Variants in ARPC5L observed in about 807,000 individuals in gnomAD.
ARPC5L encodes the protein actin-related protein 2/3 complex subunit 5-like protein.
A neutral mutation model predicts 16.9 loss-of-function variants in ARPC5L; 4 were observed. The ratio of observed to expected loss-of-function variants is 0.24; its 90% CI spans 0.12 to 0.54. The LOEUF is 0.54. Ranked by LOEUF, ARPC5L falls within the 20% of genes least tolerant of loss-of-function variation. The probability of loss-of-function intolerance (pLI) is 0.95; values close to 1 mark genes in which losing one functional copy is unlikely to be tolerated. For missense variants in ARPC5L, 151 were observed against 201.9 expected (o/e 0.75, Z 1.53); for synonymous variants, 78 against 82.6 (o/e 0.94, Z 0.30).
At position 124,869,373 on chromosome 9, in the gene ARPC5L, A is replaced by AGGAGGC. The variant is rs1204916079; in HGVS notation, c.86_91dup (p.Glu29_Ala30dup). 6.6e-7 allele frequency: 1 copy of AGGAGGC among 1,521,446 alleles called. No individual in the cohort carries two copies. The highest frequency in any genetic ancestry group is 8.8e-7 in the Non-Finnish European group (1 of 1,134,406). The allele number at this position is 1,521,446 out of a possible 1,614,324, so 94.2% of individuals were successfully genotyped here. A position where few individuals can be genotyped will look rare whatever the true frequency, so the allele number is the denominator to read the frequency against. ...GAGAACAAATTTGTGGACGAGCAGG[A>AGGAGGC]GGAGGCGGCGGCGGCGGCGGCGGAG... On this transcript the variant is annotated inframe_insertion, in exon 3 of 6. Coordinates refer to ENST00000353214, the MANE Select transcript of ARPC5L (RefSeq NM_030978.3).
At position 124,869,151 on chromosome 9, in the gene ARPC5L, C is replaced by T. The variant is rs367629054; in HGVS notation, c.-140C>T. ...GCCGGAAGTGGGCGGGCGGCGGCGGCTGCGCGCGGAGGCGGTGGAGGAGGT... is the reference window on the plus strand; with the variant it reads ...GCCGGAAGTGGGCGGGCGGCGGCGGTTGCGCGCGGAGGCGGTGGAGGAGGT... On this transcript the variant is annotated 5_prime_UTR_variant, in exon 3 of 6. Transcript: ENST00000353214. 80 of 1,022,078 alleles carry T rather than the reference C, an allele frequency of 7.8e-5. No individual in the cohort carries two copies. In the East Asian group the frequency reaches 1.0e-3, roughly 13 times the overall value. 63.3% of individuals were successfully genotyped at this position (1,022,078 alleles called of 1,614,324 possible). A position where few individuals can be genotyped will look rare whatever the true frequency, so the allele number is the denominator to read the frequency against.
intron 5 of ARPC5L, 145 bp from the exon 6 acceptor site, chr9:124,876,733 T>C: frequency 1.5e-6 from 1 of 669,660 alleles, no homozygotes. Flanking sequence ...GCTCCTTCCC[T>C]AGAATGTGCT....
At chr9:124,870,227 C>G (rs1183052224) in intron 3 of ARPC5L, among the ~76,000 whole-genome samples, 1 of 152,128 alleles carries the variant, frequency 6.6e-6, no homozygotes, top group Non-Finnish European at 1.5e-5. Context: ...AAGTGGAGCC[C>G]CACGCCTGGA....
intron 3 of ARPC5L, among the ~76,000 whole-genome samples, chr9:124,869,823 G>C (rs1399139321): frequency 6.6e-6 from 1 of 152,192 alleles, no homozygotes; most frequent in Non-Finnish European, 1.5e-5. Flanking sequence ...CTATGGCGGG[G>C]CTGGGTCGGC....
intron 3 of ARPC5L, chr9:124,873,335 C>T: frequency 4.2e-6 from 1 of 239,156 alleles, no homozygotes. Flanking sequence ...ATGAGAACGA[C>T]CTCCAGTTCA....
At chr9:124,876,412 G>A (rs1317885826) in intron 5 of ARPC5L, among the ~76,000 whole-genome samples, 1 of 151,900 alleles carries the variant, frequency 6.6e-6, no homozygotes, top group African/African-American at 2.4e-5. Flanking sequence ...GCTTGAACTG[G>A]GGAGGCAGGG....
rs558713481 is a variant in ARPC5L, at chr9:124,876,804, CT to C, written c.400-73del. On this transcript the variant is annotated intron_variant, in intron 5 of 5. Transcript: ENST00000353214. Reference sequence around the variant, plus strand: ...GGATCTAGGTCAGGGAATGTCCCCCCTGTCTCTGGCAAGCCAGGCTCCCCTT... The same window carrying C: ...GGATCTAGGTCAGGGAATGTCCCCCCGTCTCTGGCAAGCCAGGCTCCCCTT... The C allele has an allele frequency of 2.3e-3, 2,802 of 1,223,152 alleles. 4 individuals carry two copies. The highest frequency in any genetic ancestry group is 3.0e-3 in the Admixed American group (143 of 48,112). The allele number at this position is 1,223,152 out of a possible 1,614,324, so 75.8% of individuals were successfully genotyped here.
intron 1 of ARPC5L, among the ~76,000 whole-genome samples, chr9:124,862,843 T>A (rs907183285): frequency 1.3e-5 from 2 of 151,722 alleles, no homozygotes; most frequent in African/African-American, 2.4e-5. Flanking sequence ...TTATTTATTT[T>A]TTTTATTTTT....
chr9:124,862,737 G>C (rs1256767293), intron 1 of ARPC5L, among the ~76,000 whole-genome samples: 7 of 152,022 alleles, frequency 4.6e-5, no homozygotes, highest in African/African-American at 1.7e-4. Flanking sequence ...TGTTGCCCAG[G>C]CTGATCTTGA....
At chr9:124,872,571 T>G (rs559733008) in intron 3 of ARPC5L, 1 of 151,620 alleles carries the variant, frequency 6.6e-6, no homozygotes, top group South Asian at 2.1e-4. Flanking sequence ...CACTCCAGCC[T>G]GGGCGACAGA....
In ARPC5L at chr9:124,877,025, C is replaced by A; in HGVS notation, c.*85C>A. 1 of 1,030,712 alleles carries A rather than the reference C, an allele frequency of 9.7e-7. No individual in the cohort carries two copies. Among genetic ancestry groups the A allele is most frequent in the East Asian group, 2.5e-5 (1 of 40,008 alleles). 63.8% of individuals were successfully genotyped at this position (1,030,712 alleles called of 1,614,324 possible). On this transcript the variant is annotated 3_prime_UTR_variant, in exon 6 of 6. Transcript: ENST00000353214. ...AAGGGATTGACAATGGACCATCTTC[C>A]TAGGAACTCCCAAGTAAACTATTTC...
In ARPC5L at chr9:124,877,308, A is replaced by C. The variant is rs527448400; in HGVS notation, c.*368A>C. On this transcript the variant is annotated 3_prime_UTR_variant, in exon 6 of 6. Coordinates refer to ENST00000353214, the MANE Select transcript of ARPC5L (RefSeq NM_030978.3). ...GCTTGTGTTTTTGAAGTGGAAAAAA[A>C]CCCAAGAGTTTGTACAGACATCCTG... The C allele has an allele frequency of 3.6e-5, 8 of 222,366 alleles. No homozygotes were observed. Among genetic ancestry groups the C allele is most frequent in the Non-Finnish European group, 5.3e-5 (6 of 113,320 alleles). The allele number at this position is 222,366 out of a possible 1,614,324, so 13.8% of individuals were successfully genotyped here. A position where few individuals can be genotyped will look rare whatever the true frequency, so the allele number is the denominator to read the frequency against.
At position 124,869,401 on chromosome 9, in the gene ARPC5L, A is replaced by G. The variant is rs1829322145; in HGVS notation, c.111A>G (p.Pro37=). 6.6e-7 allele frequency: 1 copy of G among 1,508,778 alleles called. No individual in the cohort carries two copies. Among genetic ancestry groups the G allele is most frequent in the Non-Finnish European group, 8.9e-7 (1 of 1,128,318 alleles). 93.5% of individuals were successfully genotyped at this position (1,508,778 alleles called of 1,614,324 possible). Residue 37 remains proline, a synonymous_variant, in exon 3 of 6, where the codon CCA becomes CCG. Coordinates refer to ENST00000353214, the MANE Select transcript of ARPC5L (RefSeq NM_030978.3). ...QEEAAAAAAE[P]GPDPSEVDGL... Reference sequence around the variant, plus strand: ...AGGCGGCGGCGGCGGCGGCGGAGCCAGGCCCGGACCCGAGCGAGGTGGACG... The same window carrying G: ...AGGCGGCGGCGGCGGCGGCGGAGCCGGGCCCGGACCCGAGCGAGGTGGACG...
chr9:124,877,371 A>T lies in ARPC5L; in HGVS notation c.*431A>T, dbSNP rs961866868. On this transcript the variant is annotated 3_prime_UTR_variant, in exon 6 of 6. Transcript: ENST00000353214. Reference sequence around the variant, plus strand: ...AGGTGGACACTCTTGGGCTCATTGTAAAGTGCCTGCTGCATCAATAAAGCT... The same window carrying T: ...AGGTGGACACTCTTGGGCTCATTGTTAAGTGCCTGCTGCATCAATAAAGCT... 1 of 168,036 alleles carries T rather than the reference A, an allele frequency of 6.0e-6. No individual in the cohort carries two copies. Among genetic ancestry groups the T allele is most frequent in the Admixed American group, 6.2e-5 (1 of 16,054 alleles). 10.4% of individuals were successfully genotyped at this position (168,036 alleles called of 1,614,324 possible). A position where few individuals can be genotyped will look rare whatever the true frequency, so the allele number is the denominator to read the frequency against.
chr9:124,869,479 C>T (rs1349138531), intron 3 of ARPC5L, 40 bp downstream of exon 3: 2 of 1,416,460 alleles, frequency 1.4e-6, no homozygotes, highest in Non-Finnish European at 1.8e-6. Context: ...TGCGCGCGGC[C>T]TTCTCACCTT....
intron 3 of ARPC5L, among the ~76,000 whole-genome samples, chr9:124,872,171 C>T (rs766449387): frequency 6.6e-6 from 1 of 152,182 alleles, no homozygotes; most frequent in Non-Finnish European, 1.5e-5. Context: ...TTATACCTGC[C>T]CTTCCCCATC....
intron 2 of ARPC5L, among the ~76,000 whole-genome samples, chr9:124,865,792 C>CA (rs529611407): frequency 3.1e-4 from 47 of 149,838 alleles, no homozygotes; most frequent in Non-Finnish European, 5.8e-4. Flanking sequence ...AACTCCATCT[C>CA]AAAAAAACAA....
intron 5 of ARPC5L, among the ~76,000 whole-genome samples, chr9:124,876,353 G>A (rs1031111801): frequency 2.0e-5 from 3 of 151,866 alleles, no homozygotes; most frequent in Non-Finnish European, 4.4e-5. Flanking sequence ...CGGGGGTGGT[G>A]GCGGGCGCCT....
chr9:124,874,444 A>G (rs759592203), intron 4 of ARPC5L, among the ~76,000 whole-genome samples: 2 of 152,182 alleles, frequency 1.3e-5, no homozygotes, highest in Non-Finnish European at 2.9e-5. Context: ...TATGCCTGTA[A>G]TCCCAGCACT....
Sources: allele counts gnomAD v4.1 joint callset (sites outside exome capture counted in the v4.1 genomes callset), GRCh38; gene constraint gnomAD v4.1.1; transcripts MANE v1.5; gene names NCBI Gene and HGNC (gene_info 2026-07-23, HGNC 2026-07-21).